Variants in TBC1D8 observed in about 807,000 individuals in gnomAD.
The protein encoded by TBC1D8 is BUB2-like protein 1.
In TBC1D8, 65 loss-of-function variants were observed where a neutral mutation model predicts 118.8. The ratio of observed to expected loss-of-function variants is 0.55; its 90% CI spans 0.45 to 0.67. TBC1D8 has a LOEUF of 0.67. Among genes scored for constraint, TBC1D8 ranks in the 30% least tolerant of loss-of-function variants. The pLI, the probability that TBC1D8 is intolerant of heterozygous loss-of-function variation, is 0.00. For synonymous variants in TBC1D8, 566 were observed against 595.8 expected (o/e 0.95, Z 0.73); for missense variants, 1,376 against 1,471.2 (o/e 0.94, Z 1.06).
rs1403900654 is a variant in TBC1D8, at chr2:101,007,591, T to TAA, written c.*228_*229dup. 1.9e-6 allele frequency: 1 copy of TAA among 526,018 alleles called. No homozygotes were observed. The highest frequency in any genetic ancestry group is 3.1e-5 in the East Asian group (1 of 32,070). 32.6% of individuals were successfully genotyped at this position (526,018 alleles called of 1,614,324 possible). On this transcript the variant is annotated 3_prime_UTR_variant, in exon 20 of 20. Coordinates refer to ENST00000409318, the MANE Select transcript of TBC1D8 (RefSeq NM_001330348.2). ...ATTTCAGCAAATCCGGTAAAAATTG[T>TAA]AAGTTGGCATCAAGGGAACCAATGG... is the stretch of plus-strand genomic sequence containing the variant.
chr2:101,051,479 T>G (rs1032263120), intron 4 of TBC1D8, among the ~76,000 whole-genome samples: 26 of 152,090 alleles, frequency 1.7e-4, no homozygotes, highest in Admixed American at 1.5e-3. Context: ...GTGAAAGAGC[T>G]TCTGCACAGC....
At chr2:101,106,839 C>A (rs548892762) in intron 1 of TBC1D8, among the ~76,000 whole-genome samples, 1 of 152,196 alleles carries the variant, frequency 6.6e-6, no homozygotes, top group Non-Finnish European at 1.5e-5. Context: ...CTACAGTGCA[C>A]TGTATTCAAT....
At chr2:101,052,437 G>C (rs1682131362) in intron 4 of TBC1D8, among the ~76,000 whole-genome samples, 1 of 150,876 alleles carries the variant, frequency 6.6e-6, no homozygotes, top group Admixed American at 6.6e-5. Flanking sequence ...CTGAAAATCA[G>C]AAATGTCACC....
chr2:101,021,033 AG>A (rs1421358095), intron 17 of TBC1D8, among the ~76,000 whole-genome samples: 6 of 152,168 alleles, frequency 3.9e-5, no homozygotes, highest in Non-Finnish European at 7.3e-5. Context: ...AAAAGCCACC[AG>A]GATATCATGG....
intron 12 of TBC1D8, 80 bp from the exon 13 acceptor site, chr2:101,028,512 A>G: frequency 6.7e-7 from 1 of 1,482,598 alleles, no homozygotes; most frequent in South Asian, 1.4e-5. Flanking sequence ...AGTGTCAGAC[A>G]TGCCAGGGCA....
rs763219257 is a variant in TBC1D8, at chr2:101,028,131, A to G, written c.2368T>C (p.Ser790Pro). 2.5e-6 allele frequency: 4 copies of G among 1,613,794 alleles called. No homozygotes were observed. The highest frequency in any genetic ancestry group is 3.4e-6 in the Non-Finnish European group (4 of 1,179,858). The change falls in exon 14 of 20, where the codon TCT becomes CCT. Residue 790 changes from serine to proline, a missense_variant. Physicochemically the swap from Ser to Pro is moderately conservative, Grantham distance 74 (BLOSUM62 -1). Transcript: ENST00000409318. ...CGTAGGTGCTCGATCTGCTCCACAG[A>G]CTGGTCTCCAAATTTCTGCAGGGAA... The part of the protein sequence containing the change: ...RDSYEKFGDQ[S>P]VEQIEHLRYK...
chr2:101,033,154 G>C (rs1261735706), intron 10 of TBC1D8, among the ~76,000 whole-genome samples: 1 of 148,318 alleles, frequency 6.7e-6, no homozygotes, highest in African/African-American at 2.5e-5. Flanking sequence ...GTCTCGCTCT[G>C]TTGCCAGGCT....
chr2:101,066,944 C>CAAAAAAAAAAAAAAAA, intron 2 of TBC1D8, among the ~76,000 whole-genome samples: 1 of 114,952 alleles, frequency 8.7e-6, no homozygotes, highest in Non-Finnish European at 1.7e-5. Context: ...GAGAGTATCC[C>CAAAAAAAAAAAAAAAA]AAAAAAAAAA....
chr2:101,122,791 G>A (rs558346292), intron 1 of TBC1D8, among the ~76,000 whole-genome samples: 20 of 152,248 alleles, frequency 1.3e-4, no homozygotes, highest in South Asian at 1.2e-3. Context: ...AGACAGATCC[G>A]CTTGCGTTTT....
At chr2:101,022,141 T>C in intron 16 of TBC1D8, 140 bp downstream of exon 16, 1 of 1,414,930 alleles carries the variant, frequency 7.1e-7, no homozygotes. Context: ...AGAGTGATAT[T>C]TCAAAATCAT....
chr2:101,113,622 C>T (rs1677699255), intron 1 of TBC1D8, among the ~76,000 whole-genome samples: 1 of 152,208 alleles, frequency 6.6e-6, no homozygotes, highest in African/African-American at 2.4e-5. Context: ...TTGCAAACCA[C>T]ACTCTTGTTT....
At chr2:101,068,442 C>G (rs754737924) in intron 2 of TBC1D8, 12 of 334,364 alleles carry the variant, frequency 3.6e-5, no homozygotes, top group Non-Finnish European at 5.5e-5. Context: ...TCCAGCAATT[C>G]AGATATAGCG....
chr2:101,007,959 TTCAG>T lies in TBC1D8; in HGVS notation c.3326_3329del (p.Thr1109AsnfsTer4). Reference sequence around the variant, plus strand: ...TTTCAAAAAAGTTGACTAATGACTGTTCAGTCAGAAGTGAAGCTAAAATATGTTC... The same window carrying T: ...TTTCAAAAAAGTTGACTAATGACTGTTCAGAAGTGAAGCTAAAATATGTTC... On this transcript the variant is annotated frameshift_variant, in exon 20 of 20. Transcript: ENST00000409318. LOFTEE classifies it high-confidence loss of function. 3 of 1,614,040 alleles carry T rather than the reference TTCAG, an allele frequency of 1.9e-6. No homozygotes were observed. The highest frequency in any genetic ancestry group is 2.5e-6 in the Non-Finnish European group (3 of 1,179,892).
Position 101,050,574 on chromosome 2 carries a change from A to T in TBC1D8, c.699T>A (p.Asp233Glu). 1 of 1,614,022 alleles carries T rather than the reference A, an allele frequency of 6.2e-7. No individual in the cohort carries two copies. Among genetic ancestry groups the T allele is most frequent in the Non-Finnish European group, 8.5e-7 (1 of 1,179,900 alleles). The change falls in exon 5 of 20, where the codon GAT (aspartate) becomes GAA (glutamate). Residue 233 changes from aspartate (D) to glutamate (E), a missense_variant. Physicochemically the swap from Asp to Glu is conservative, Grantham distance 45. Coordinates refer to ENST00000409318, the MANE Select transcript of TBC1D8 (RefSeq NM_001330348.2). ...LERTSNVFLT[D>E]TIRITTQNKE... ...TATTCTGCGTGGTGATTCGGATGGT[A>T]TCCGTCAGAAAGACATTGGACGTTC...
chr2:101,074,527 A>C (rs942652342), intron 2 of TBC1D8, among the ~76,000 whole-genome samples: 3 of 152,244 alleles, frequency 2.0e-5, no homozygotes, highest in Non-Finnish European at 4.4e-5. Flanking sequence ...CAGTATCTTC[A>C]AAGTACAATA....
intron 2 of TBC1D8, among the ~76,000 whole-genome samples, chr2:101,073,421 A>G (rs983765628): frequency 1.1e-4 from 17 of 150,848 alleles, no homozygotes; most frequent in African/African-American, 3.9e-4. Context: ...CAGCCTCCCC[A>G]GTAGCTGGGA....
At chr2:101,070,602 G>A (rs1259764825) in intron 2 of TBC1D8, among the ~76,000 whole-genome samples, 3 of 151,774 alleles carry the variant, frequency 2.0e-5, no homozygotes, top group East Asian at 2.0e-4. Flanking sequence ...TAGTACAGAC[G>A]GGGTTTCACC....
At chr2:101,037,323 G>A (rs537961388) in intron 8 of TBC1D8, among the ~76,000 whole-genome samples, 32 of 152,356 alleles carry the variant, frequency 2.1e-4, no homozygotes, top group African/African-American at 6.0e-4. Context: ...AGAGCTGCGC[G>A]AGGTTTACCG....
chr2:101,139,394 C>T (rs1343118358), intron 1 of TBC1D8, among the ~76,000 whole-genome samples: 2 of 152,142 alleles, frequency 1.3e-5, no homozygotes, highest in Non-Finnish European at 2.9e-5. Context: ...TACTTCCTCG[C>T]CACCCTCCAG....
Sources: gnomAD v4.1 joint callset for allele counts (sites outside exome capture counted in the v4.1 genomes callset) on GRCh38, gnomAD v4.1.1 for gene constraint, MANE v1.5 for transcripts, NCBI Gene and HGNC (gene_info 2026-07-23, HGNC 2026-07-21) for gene names.